Variants in AAMDC observed in about 807,000 individuals in gnomAD.
The protein encoded by AAMDC is mth938 domain-containing protein.
In AAMDC, 16 loss-of-function variants were observed where a neutral mutation model predicts 15.5. The ratio of observed to expected loss-of-function variants is 1.03; its 90% CI spans 0.70 to 1.57. The LOEUF (loss-of-function observed/expected upper bound fraction) is 1.57. AAMDC is among the 40% of genes most tolerant of loss of function. AAMDC has a pLI of 0.00. For synonymous variants in AAMDC, 51 were observed against 51.6 expected (o/e 0.99, Z 0.05); for missense variants, 141 against 144.9 (o/e 0.97, Z 0.14).
intron 1 of AAMDC, among the ~76,000 whole-genome samples, chr11:77,831,052 G>A (rs1949402139): frequency 6.6e-6 from 1 of 150,486 alleles, no homozygotes; most frequent in Admixed American, 6.6e-5. Flanking sequence ...CCAGCTACTT[G>A]AGAAGCTGAG....
chr11:77,894,166 A>T, intron 5 of AAMDC: 1 of 582,214 alleles, frequency 1.7e-6, no homozygotes, highest in Non-Finnish European at 3.1e-6. Flanking sequence ...ACATGGCCAC[A>T]GATGATAGCT....
At chr11:77,848,743 A>G (rs891169292) in intron 2 of AAMDC, among the ~76,000 whole-genome samples, 1 of 152,106 alleles carries the variant, frequency 6.6e-6, no homozygotes. Flanking sequence ...GAAAGCAAAC[A>G]GTAAGCTCAG....
At chr11:77,899,643 C>T (rs1331661703) in intron 5 of AAMDC, among the ~76,000 whole-genome samples, 1 of 151,412 alleles carries the variant, frequency 6.6e-6, no homozygotes, top group Admixed American at 6.6e-5. Context: ...GCACTCCAGC[C>T]TGGGCAACAA....
intron 5 of AAMDC, among the ~76,000 whole-genome samples, chr11:77,887,689 A>G (rs1952076691): frequency 6.6e-6 from 1 of 152,156 alleles, no homozygotes; most frequent in Non-Finnish European, 1.5e-5. Context: ...TCTCAGCCCA[A>G]AATCTCCTTA....
chr11:77,881,796 G>C (rs1951802811), intron 5 of AAMDC, among the ~76,000 whole-genome samples: 1 of 152,120 alleles, frequency 6.6e-6, no homozygotes, highest in African/African-American at 2.4e-5. Context: ...AATTAAATGT[G>C]AAAACACATC....
chr11:77,854,210 G>T (rs1950518289), intron 2 of AAMDC, among the ~76,000 whole-genome samples: 1 of 151,770 alleles, frequency 6.6e-6, no homozygotes, highest in Non-Finnish European at 1.5e-5. Flanking sequence ...GCCAGGATTG[G>T]CTCGATCTCC....
chr11:77,900,112 T>A (rs916381420), intron 5 of AAMDC, among the ~76,000 whole-genome samples: 5 of 150,020 alleles, frequency 3.3e-5, no homozygotes, highest in East Asian at 3.9e-4. Context: ...TTTTTTTTTT[T>A]ATATAAAGAT....
chr11:77,830,987 C>CAAAAAAAAAAA (rs59283485), intron 1 of AAMDC, among the ~76,000 whole-genome samples: 2 of 100,514 alleles, frequency 2.0e-5, no homozygotes, highest in Non-Finnish European at 2.0e-5. Context: ...CAAAATATAC[C>CAAAAAAAAAAA]AAAAAAAAAA....
rs1251720331 is a variant in AAMDC, at chr11:77,898,091, C to T, written c.329-2480C>T. ...TTTGGCCTCCCAAAGTCTGGGATTACAGGCATGAGCCACTGCATCTACCCC... is the reference window on the plus strand; with the variant it reads ...TTTGGCCTCCCAAAGTCTGGGATTATAGGCATGAGCCACTGCATCTACCCC... On this transcript the variant is annotated intron_variant, in intron 5 of 5. Coordinates refer to the AAMDC transcript ENST00000304716. Among the ~76,000 whole-genome samples the T allele has an allele frequency of 2.0e-5, 3 of 152,192 alleles. No individual in the cohort carries two copies. In the South Asian group the frequency reaches 6.2e-4, roughly 31 times the overall value.
At chr11:77,844,170 G>T (rs1448277290) in intron 2 of AAMDC, among the ~76,000 whole-genome samples, 1 of 152,134 alleles carries the variant, frequency 6.6e-6, no homozygotes, top group Non-Finnish European at 1.5e-5. Flanking sequence ...TGGAAAGAGA[G>T]GTAGCTAGCT....
chr11:77,857,876 T>C (rs559205157), intron 2 of AAMDC, among the ~76,000 whole-genome samples: 1 of 152,224 alleles, frequency 6.6e-6, no homozygotes, highest in East Asian at 1.9e-4. Flanking sequence ...TTTGTATTTT[T>C]AGTAGAGACA....
rs568550138 is a variant in AAMDC, at chr11:77,849,645, GT to G, written c.132+7026del. On this transcript the variant is annotated intron_variant, in intron 2 of 3. Coordinates refer to ENST00000393427, the MANE Select transcript of AAMDC (RefSeq NM_024684.4). ...AAGTGCTGGATCTGTTTTTTTGTGT[GT>G]TTTTTTTTAATTATGCAGTTCCAAG... Among the ~76,000 whole-genome samples the G allele has an allele frequency of 6.6e-5, 10 of 150,934 alleles. No individual in the cohort carries two copies. The East Asian group carries it at 7.8e-4, about 12-fold the overall frequency.
chr11:77,872,060 C>T (rs368746501), intron 3 of AAMDC, 115 bp from the exon 4 acceptor site: 72 of 1,192,914 alleles, frequency 6.0e-5, no homozygotes, highest in South Asian at 1.9e-4. Flanking sequence ...ACTGAGTGAT[C>T]GTGAAGTGAC....
At chr11:77,890,944 T>C (rs555048324) in intron 5 of AAMDC, among the ~76,000 whole-genome samples, 2 of 152,360 alleles carry the variant, frequency 1.3e-5, no homozygotes, top group South Asian at 2.1e-4. Context: ...GACTGACTCA[T>C]AGCCTGAAAG....
chr11:77,843,013 A>T (rs1257021798), intron 2 of AAMDC, among the ~76,000 whole-genome samples: 4 of 152,204 alleles, frequency 2.6e-5, no homozygotes, highest in African/African-American at 9.7e-5. Context: ...TCTATAAATT[A>T]CATCATTCAG....
chr11:77,878,929 T>C (rs985661769), intron 5 of AAMDC: 20 of 1,605,820 alleles, frequency 1.2e-5, no homozygotes, highest in Non-Finnish European at 1.7e-5. Context: ...TAGGCCACGG[T>C]TGGGAAGACT....
rs1020583063 is a variant in AAMDC at position 77,841,162 on chromosome 11, C to G, written c.-18-1317C>G. ...TCCTTTTATAATGAACCTACTACTC[C>G]TGCAATAACAGCATAATCTATTCAT... On this transcript the variant is annotated intron_variant, in intron 1 of 3. Transcript: ENST00000393427. 4.3e-6 allele frequency: 3 copies of G among 700,890 alleles called. No individual in the cohort carries two copies. The East Asian group carries it at 8.0e-5, about 19-fold the overall frequency. 43.4% of individuals were successfully genotyped at this position (700,890 alleles called of 1,614,324 possible).
downstream of AAMDC, among the ~76,000 whole-genome samples, chr11:77,875,954 G>A (rs1392997227): frequency 6.6e-6 from 1 of 152,160 alleles, no homozygotes; most frequent in Non-Finnish European, 1.5e-5. Flanking sequence ...GCCATGAAGA[G>A]CCTTCAAGAC....
intron 5 of AAMDC, chr11:77,878,928 G>A: frequency 6.2e-7 from 1 of 1,604,690 alleles, no homozygotes; most frequent in Non-Finnish European, 8.5e-7. Context: ...CTAGGCCACG[G>A]TTGGGAAGAC....
Sources: gnomAD v4.1 joint callset for allele counts (sites outside exome capture counted in the v4.1 genomes callset) on GRCh38, gnomAD v4.1.1 for gene constraint, MANE v1.5 for transcripts, NCBI Gene and HGNC (gene_info 2026-07-23, HGNC 2026-07-21) for gene names.